Variants in ARID3A observed in about 807,000 individuals in gnomAD.
ARID3A encodes AT-rich interactive domain-containing protein 3A.
Under a neutral mutation model 52.7 loss-of-function variants are expected in ARID3A, and 11 were observed. The ratio of observed to expected loss-of-function variants is 0.21; its 90% CI spans 0.13 to 0.35. ARID3A has a LOEUF of 0.35. ARID3A is among the 10% of genes least tolerant of loss of function. The pLI is 1.00. For missense variants in ARID3A, 721 were observed against 838.5 expected (o/e 0.86, Z 1.73); for synonymous variants, 404 against 359.4 (o/e 1.12, Z -1.40).
chr19:937,817 C>T (rs945779042), intron 3 of ARID3A, among the ~76,000 whole-genome samples: 5 of 151,124 alleles, frequency 3.3e-5, no homozygotes, highest in African/African-American at 1.2e-4. Context: ...CGCCATTCTC[C>T]TGCCTCAGCC....
At chr19:971,028 C>T (rs919287401) in intron 8 of ARID3A, among the ~76,000 whole-genome samples, 1 of 152,224 alleles carries the variant, frequency 6.6e-6, no homozygotes, top group African/African-American at 2.4e-5. Context: ...TGCTAGGGGT[C>T]TCGCAACCCC....
At chr19:952,494 ATC>A (rs2037822927) in intron 3 of ARID3A, among the ~76,000 whole-genome samples, 1 of 150,148 alleles carries the variant, frequency 6.7e-6, no homozygotes, top group Non-Finnish European at 1.5e-5. Flanking sequence ...TTCTTCTGAC[ATC>A]TCTCTGCCAA....
chr19:933,734 C>T (rs1017040649), intron 3 of ARID3A, among the ~76,000 whole-genome samples: 6 of 152,066 alleles, frequency 3.9e-5, no homozygotes, highest in Non-Finnish European at 5.9e-5. Context: ...GGCCCTAACC[C>T]CAGCAGCCCT....
intron 6 of ARID3A, 175 bp downstream of exon 6, chr19:965,255 C>T (rs2038125012): frequency 2.8e-6 from 2 of 722,504 alleles, no homozygotes; most frequent in Non-Finnish European, 4.3e-6. Context: ...ATTACCAATC[C>T]ATCACCATTT....
chr19:964,705 G>T lies in ARID3A; in HGVS notation c.951-128G>T. 2.1e-6 allele frequency: 3 copies of T among 1,430,414 alleles called. No homozygotes were observed. Among genetic ancestry groups the T allele is most frequent in the South Asian group, 2.9e-5 (2 of 69,894 alleles). 88.6% of individuals were successfully genotyped at this position (1,430,414 alleles called of 1,614,324 possible). On this transcript the variant is annotated intron_variant, in intron 5 of 8. Transcript: ENST00000263620. This position sits in a 1 kb window ranked among gnomAD's most constrained non-coding sequence, Gnocchi z 5.7. ...GGGCAAAGGCCCAGCAGCTCTGGGG[G>T]CTGCTGAGCAAGTCCAAGGGAAGAA...
At position 938,559 on chromosome 19, in the gene ARID3A, G is replaced by A. The variant is rs891136202; in HGVS notation, c.693+5817G>A. Among the ~76,000 whole-genome samples, 5 of 152,244 alleles carry A rather than the reference G, an allele frequency of 3.3e-5. No homozygotes were observed. The highest frequency in any genetic ancestry group is 1.2e-4 in the African/African-American group (5 of 41,464). On this transcript the variant is annotated intron_variant, in intron 3 of 8. Coordinates refer to ENST00000263620, the MANE Select transcript of ARID3A (RefSeq NM_005224.3). This position sits in a 1 kb window ranked among gnomAD's most constrained non-coding sequence, Gnocchi z 4.0. ...GGATGGATGGCCCAGGGAGCTGCTG[G>A]TGGGACGGTTTTGGGGAAGCTCAGC... is the stretch of plus-strand genomic sequence containing the variant.
At chr19:933,997 A>G (rs949719710) in intron 3 of ARID3A, among the ~76,000 whole-genome samples, 12 of 152,100 alleles carry the variant, frequency 7.9e-5, no homozygotes, top group Non-Finnish European at 1.6e-4. Context: ...GGGTCTTGTG[A>G]TCTTTTCTGG....
chr19:950,760 G>A (rs1337571147), intron 3 of ARID3A, among the ~76,000 whole-genome samples: 1 of 152,150 alleles, frequency 6.6e-6, no homozygotes, highest in Non-Finnish European at 1.5e-5. Context: ...TGGGGATTTG[G>A]GAGATAAAAA....
rs1024126052 is a variant in ARID3A, at chr19:938,479, A to G, written c.693+5737A>G. On this transcript the variant is annotated intron_variant, in intron 3 of 8. Transcript: ENST00000263620. This position sits in a 1 kb window ranked among gnomAD's most constrained non-coding sequence, Gnocchi z 4.0. ...TGCACAGTCGCCCGGGGGACGTGTC[A>G]GAGCTGGAATTTGACCCCCGGGATG... 3.9e-5 allele frequency among the ~76,000 whole-genome samples: 6 copies of G among 152,310 alleles called. No homozygotes were observed. The highest frequency in any genetic ancestry group is 2.1e-4 in the South Asian group (1 of 4,822).
chr19:937,444 C>T (rs78227304), intron 3 of ARID3A, among the ~76,000 whole-genome samples: 2,470 of 152,184 alleles, frequency 0.016, 55 homozygotes, highest in African/African-American at 0.055. Context: ...TGTGTTTGCC[C>T]GTTCCGCTGT....
intron 3 of ARID3A, among the ~76,000 whole-genome samples, chr19:953,233 T>G (rs1270540312): frequency 6.6e-6 from 1 of 152,088 alleles, no homozygotes; most frequent in Non-Finnish European, 1.5e-5. Context: ...ACTGACCCCC[T>G]CGGAGCTGTC....
At chr19:967,356 C>G (rs1027618025) in intron 7 of ARID3A, among the ~76,000 whole-genome samples, 1 of 151,848 alleles carries the variant, frequency 6.6e-6, no homozygotes, top group East Asian at 1.9e-4. Context: ...TTGCTTGAGC[C>G]CAGGAATTTG....
intron 3 of ARID3A, among the ~76,000 whole-genome samples, chr19:957,588 C>T (rs2037949280): frequency 6.6e-6 from 1 of 152,186 alleles, no homozygotes. Flanking sequence ...CGCCTGTGAC[C>T]CCAGCACTTT....
At chr19:930,046 G>A (rs994232231) in intron 2 of ARID3A, 150 bp downstream of exon 2, 19 of 1,207,646 alleles carry the variant, frequency 1.6e-5, no homozygotes, top group Non-Finnish European at 1.9e-5. Context: ...GGAGGATCAC[G>A]TGGGCCCAGG....
rs1339384384 is a variant in ARID3A, at chr19:929,625, G to C, written c.97G>C (p.Ala33Pro). The change falls in exon 2 of 9, where the codon GCT becomes CCT. Residue 33 changes from alanine (A) to proline (P), a missense_variant. Ala to Pro is a conservative substitution (Grantham distance 27, BLOSUM62 -1). Transcript: ENST00000263620. This position sits in a 1 kb window ranked among gnomAD's most constrained non-coding sequence, Gnocchi z 6.2. ...ARQQLPPDPP[A>P]APPGRARAAP... ...GCAGCAGCTGCCCCCCGATCCCCCT[G>C]CTGCACCCCCCGGCCGGGCCCGGGC... 1 of 1,526,560 alleles carries C rather than the reference G, an allele frequency of 6.6e-7. No homozygotes were observed. The highest frequency in any genetic ancestry group is 2.0e-5 in the Admixed American group (1 of 50,612). The allele number at this position is 1,526,560 out of a possible 1,614,324, so 94.6% of individuals were successfully genotyped here.
At chr19:940,314 A>G (rs529275080) in intron 3 of ARID3A, among the ~76,000 whole-genome samples, 23 of 152,220 alleles carry the variant, frequency 1.5e-4, no homozygotes, top group African/African-American at 5.5e-4. Flanking sequence ...AATTGCAAAA[A>G]AACTCTCATC....
rs1268732645 is a variant in ARID3A, at chr19:926,941, TTC to T, written c.-268+884_-268+885del. ...AAGCCTTTGAAATCCGGACCAGGGTTTCTGTCTTCTTATTTCTTCTCCTTCTT... is the reference window on the plus strand; with the variant it reads ...AAGCCTTTGAAATCCGGACCAGGGTTTGTCTTCTTATTTCTTCTCCTTCTT... On this transcript the variant is annotated intron_variant, in intron 1 of 8. Transcript: ENST00000263620. Among the ~76,000 whole-genome samples, 6 of 151,080 alleles carry T rather than the reference TTC, an allele frequency of 4.0e-5. No homozygotes were observed. In the East Asian group the frequency reaches 1.2e-3, roughly 30 times the overall value.
intron 1 of ARID3A, chr19:928,901 G>A (rs1406252710): frequency 6.6e-6 from 1 of 152,330 alleles, no homozygotes; most frequent in East Asian, 1.9e-4. Flanking sequence ...GCTCCAACAG[G>A]GACTCAGGCA....
At chr19:926,021 G>C (rs1291163952), upstream of ARID3A, 2 of 150,736 alleles carry the variant, frequency 1.3e-5, no homozygotes, top group Non-Finnish European at 3.0e-5. Context: ...CTTACCAATC[G>C]GGCGGAGGGG....
Sources: allele counts gnomAD v4.1 joint callset (sites outside exome capture counted in the v4.1 genomes callset), GRCh38; gene constraint gnomAD v4.1.1; non-coding constraint Gnocchi (gnomAD v3.1); transcripts MANE v1.5; gene names NCBI Gene and HGNC (gene_info 2026-07-23, HGNC 2026-07-21).